ZNF423: variants seen among roughly 807,000 people sequenced by gnomAD.
ZNF423 encodes zinc finger protein 423.
A neutral mutation model predicts 95.8 loss-of-function variants in ZNF423; 12 were observed. The observed-to-expected ratio is 0.13, with a 90% CI of 0.08 to 0.20. The LOEUF (loss-of-function observed/expected upper bound fraction) is 0.20, where lower values mean the gene tolerates loss of function less well. ZNF423 is among the 10% of genes least tolerant of loss of function. The probability of loss-of-function intolerance (pLI) is 1.00; values close to 1 mark genes in which losing one functional copy is unlikely to be tolerated. For missense variants in ZNF423, 1,316 were observed against 1,737.1 expected (o/e 0.76, Z 4.31); for synonymous variants, 749 against 711.9 (o/e 1.05, Z -0.83).
intron 2 of ZNF423, among the ~76,000 whole-genome samples, chr16:49,784,161 T>G (rs1597005083): frequency 6.6e-6 from 1 of 152,208 alleles, no homozygotes; most frequent in Middle Eastern, 3.4e-3. Context: ...CTCCAAAGGT[T>G]AAACATAAAG....
chr16:49,510,875 G>A (rs1967866293), intron 7 of ZNF423, among the ~76,000 whole-genome samples: 1 of 152,238 alleles, frequency 6.6e-6, no homozygotes, highest in African/African-American at 2.4e-5. Context: ...CCACCGGCCT[G>A]AGGCTCCTGG....
intron 3 of ZNF423, among the ~76,000 whole-genome samples, chr16:49,716,465 C>G (rs899320499): frequency 1.3e-5 from 2 of 152,156 alleles, no homozygotes; most frequent in Non-Finnish European, 2.9e-5. Context: ...CCACATGCAC[C>G]CTCATACCCA....
intron 5 of ZNF423, among the ~76,000 whole-genome samples, chr16:49,590,381 C>T (rs1328023082): frequency 6.6e-6 from 1 of 152,110 alleles, no homozygotes; most frequent in Non-Finnish European, 1.5e-5. Flanking sequence ...AGCACTCACA[C>T]CGGCCACGTT....
chr16:49,753,779 C>A (rs1056860571), intron 2 of ZNF423, among the ~76,000 whole-genome samples: 5 of 152,028 alleles, frequency 3.3e-5, no homozygotes, highest in African/African-American at 1.2e-4. Flanking sequence ...GCCTGTAATC[C>A]CAGCACTTTG....
At chr16:49,667,442 GT>G (rs2030598316) in intron 3 of ZNF423, among the ~76,000 whole-genome samples, 1 of 152,234 alleles carries the variant, frequency 6.6e-6, no homozygotes, top group Admixed American at 6.5e-5. Flanking sequence ...ATTAAACAGG[GT>G]AAAAAGAGGA....
chr16:49,555,890 G>C (rs532150149), intron 5 of ZNF423, among the ~76,000 whole-genome samples: 17 of 152,210 alleles, frequency 1.1e-4, no homozygotes, highest in African/African-American at 4.1e-4. Flanking sequence ...TAGATGGATG[G>C]GTGGATGTCA....
chr16:49,530,025 G>T (rs996912315), intron 5 of ZNF423, among the ~76,000 whole-genome samples: 5 of 152,150 alleles, frequency 3.3e-5, no homozygotes, highest in African/African-American at 1.2e-4. Context: ...CATCCAGGAT[G>T]TGGCAATGAA....
At chr16:49,583,920 A>G (rs902669021) in intron 5 of ZNF423, among the ~76,000 whole-genome samples, 2 of 152,222 alleles carry the variant, frequency 1.3e-5, no homozygotes, top group Admixed American at 6.5e-5. Flanking sequence ...TAGGGGCAGG[A>G]GGAAGTTGGA....
chr16:49,665,108 G>T (rs892040324), intron 3 of ZNF423, among the ~76,000 whole-genome samples: 1 of 152,240 alleles, frequency 6.6e-6, no homozygotes, highest in African/African-American at 2.4e-5. Context: ...GCCATATTTG[G>T]AAATTCAACT....
At chr16:49,667,181 C>T (rs2030586811) in intron 3 of ZNF423, among the ~76,000 whole-genome samples, 1 of 152,224 alleles carries the variant, frequency 6.6e-6, no homozygotes, top group Non-Finnish European at 1.5e-5. Context: ...CAACAGTAGT[C>T]CCTATCCCAA....
intron 3 of ZNF423, among the ~76,000 whole-genome samples, chr16:49,662,355 C>G: frequency 6.6e-6 from 1 of 152,204 alleles, no homozygotes; most frequent in Admixed American, 6.5e-5. Flanking sequence ...GGCCTGCTGA[C>G]CTCCTCTCAG....
chr16:49,580,279 C>T (rs1970630374), intron 5 of ZNF423, among the ~76,000 whole-genome samples: 1 of 152,150 alleles, frequency 6.6e-6, no homozygotes, highest in Non-Finnish European at 1.5e-5. Flanking sequence ...ACCCAGCTGG[C>T]TCCCTCTCAT....
chr16:49,764,120 G>A (rs1055812907), intron 2 of ZNF423, among the ~76,000 whole-genome samples: 2 of 152,218 alleles, frequency 1.3e-5, no homozygotes, highest in Non-Finnish European at 2.9e-5. Context: ...AAGAGAGGAT[G>A]TGTGTGGGGA....
chr16:49,689,315 AG>A (rs1267854418), intron 3 of ZNF423, among the ~76,000 whole-genome samples: 1 of 150,042 alleles, frequency 6.7e-6, no homozygotes, highest in Non-Finnish European at 1.5e-5. Flanking sequence ...AGAATTAGCC[AG>A]GCGTGGTGGT....
At chr16:49,725,658 C>T (rs763871047) in intron 3 of ZNF423, among the ~76,000 whole-genome samples, 7 of 152,148 alleles carry the variant, frequency 4.6e-5, no homozygotes, top group Non-Finnish European at 8.8e-5. Context: ...CTGCAGAGGG[C>T]CAGCAGGGAG....
chr16:49,618,318 T>C (rs1056443287), intron 5 of ZNF423, among the ~76,000 whole-genome samples: 1 of 152,172 alleles, frequency 6.6e-6, no homozygotes, highest in South Asian at 2.1e-4. Flanking sequence ...TAAGCTTCAT[T>C]AGATGGTACT....
intron 5 of ZNF423, among the ~76,000 whole-genome samples, chr16:49,526,169 C>T (rs184698408): frequency 1.5e-3 from 234 of 152,220 alleles, no homozygotes; most frequent in Non-Finnish European, 2.9e-3. Flanking sequence ...TCAGAGAGGC[C>T]ACAGGGATGC....
At chr16:49,801,164 G>A (rs923448346) in intron 1 of ZNF423, among the ~76,000 whole-genome samples, 2 of 152,210 alleles carry the variant, frequency 1.3e-5, no homozygotes, top group Admixed American at 6.5e-5. Flanking sequence ...AGCCCCGGGG[G>A]ACTGAGGAGA....
Position 49,617,182 on chromosome 16 carries a change from C to T in ZNF423, c.3601+8988G>A, listed in dbSNP as rs1342082417. Among the ~76,000 whole-genome samples, 4 of 152,178 alleles carry T rather than the reference C, an allele frequency of 2.6e-5. No individual in the cohort carries two copies. The East Asian group carries it at 7.7e-4, about 29-fold the overall frequency. Reference sequence around the variant, plus strand: ...CTGGCCATAACGATTGGCTCATGGGCAGCTTCAGGACGCTCCTGAGGCCAG... The same window carrying T: ...CTGGCCATAACGATTGGCTCATGGGTAGCTTCAGGACGCTCCTGAGGCCAG... On this transcript the variant is annotated intron_variant, in intron 5 of 7. Coordinates refer to ENST00000563137, the MANE Select transcript of ZNF423 (RefSeq NM_001379286.1).
Sources: gnomAD v4.1 joint callset for allele counts (sites outside exome capture counted in the v4.1 genomes callset) on GRCh38, gnomAD v4.1.1 for gene constraint, MANE v1.5 for transcripts, NCBI Gene and HGNC (gene_info 2026-07-23, HGNC 2026-07-21) for gene names.